ZNF385D: variants seen among roughly 807,000 people sequenced by gnomAD.
The protein encoded by ZNF385D is zinc finger protein 385D.
ZNF385D carries 15 observed loss-of-function variants against 35.8 expected under a neutral mutation model. The ratio of observed to expected loss-of-function variants is 0.42; its 90% CI spans 0.28 to 0.64. ZNF385D has a LOEUF of 0.64. Ranked by LOEUF, ZNF385D falls within the 30% of genes least tolerant of loss-of-function variation. The pLI, the probability that ZNF385D is intolerant of heterozygous loss-of-function variation, is 0.23. For synonymous variants in ZNF385D, 212 were observed against 186.8 expected, an observed-to-expected ratio of 1.13 and a Z score of -1.10; for missense variants, 474 against 494.6, an observed-to-expected ratio of 0.96 and a Z score of 0.39.
At chr3:21,720,356 C>T (rs1240874480) in intron 1 of ZNF385D, among the ~76,000 whole-genome samples, 1 of 152,146 alleles carries the variant, frequency 6.6e-6, no homozygotes, top group African/African-American at 2.4e-5. Context: ...AAGTTCTAAA[C>T]CAGCCTGGGC....
chr3:21,707,574 T>C (rs945987927), intron 1 of ZNF385D, among the ~76,000 whole-genome samples: 4 of 152,178 alleles, frequency 2.6e-5, no homozygotes, highest in Non-Finnish European at 4.4e-5. Context: ...TTTAAACCCA[T>C]AAATGCTCTA....
At chr3:21,978,332 T>C (rs1262545072) in intron 3 of ZNF385D, 2 of 152,244 alleles carry the variant, frequency 1.3e-5, no homozygotes, top group Non-Finnish European at 2.9e-5. Context: ...CTGTTACTGG[T>C]ATGATCTAAA....
At chr3:22,297,116 G>GA (rs1449759315) in intron 2 of ZNF385D, among the ~76,000 whole-genome samples, 3 of 152,008 alleles carry the variant, frequency 2.0e-5, no homozygotes, top group African/African-American at 4.8e-5. Context: ...CTCCTATCTT[G>GA]AAAAATATAA....
At chr3:21,822,164 T>A (rs1380644342) in intron 3 of ZNF385D, among the ~76,000 whole-genome samples, 1 of 151,966 alleles carries the variant, frequency 6.6e-6, no homozygotes, top group Non-Finnish European at 1.5e-5. Flanking sequence ...CTCTGCCTCC[T>A]GGATTCACGC....
chr3:22,371,741 C>T (rs369956003), intron 2 of ZNF385D, among the ~76,000 whole-genome samples: 7 of 152,228 alleles, frequency 4.6e-5, no homozygotes, highest in African/African-American at 1.7e-4. Context: ...TCAATGGAAG[C>T]GTAAAAAGAG....
At chr3:22,330,989 T>C (rs927440509) in intron 2 of ZNF385D, among the ~76,000 whole-genome samples, 1 of 152,204 alleles carries the variant, frequency 6.6e-6, no homozygotes, top group Admixed American at 6.5e-5. Flanking sequence ...TACACATGAA[T>C]TTTAACTCTT....
At chr3:21,793,123 A>G (rs113819016) in intron 3 of ZNF385D, among the ~76,000 whole-genome samples, 297 of 152,342 alleles carry the variant, frequency 1.9e-3, no homozygotes, top group African/African-American at 6.7e-3. Flanking sequence ...ATTATTATAT[A>G]GAATTCAATG....
intron 4 of ZNF385D, chr3:21,443,291 T>A (rs1701960737): frequency 4.1e-6 from 4 of 985,382 alleles, no homozygotes; most frequent in Non-Finnish European, 4.8e-6. Context: ...GAGGGGATTC[T>A]TTATTCTCCA....
intron 1 of ZNF385D, among the ~76,000 whole-genome samples, chr3:21,676,793 A>T (rs1559510147): frequency 2.0e-5 from 3 of 150,584 alleles, no homozygotes; most frequent in Non-Finnish European, 4.4e-5. Flanking sequence ...GCCCATATGT[A>T]TTTTTTTTTT....
rs572479563 is a variant in ZNF385D, at chr3:21,979,185, G to T, written c.325+189632C>A. ...TAGTCTGGGCTGGGTCCAAACATTTGTAAAAAGGAGGATATGGGGGACCAT... is the reference window on the plus strand; with the variant it reads ...TAGTCTGGGCTGGGTCCAAACATTTTTAAAAAGGAGGATATGGGGGACCAT... On this transcript the variant is annotated intron_variant, in intron 3 of 5. Transcript: ENST00000494108. 1.4e-4 allele frequency among the ~76,000 whole-genome samples: 22 copies of T among 152,082 alleles called. No homozygotes were observed. The South Asian group carries it at 4.6e-3, about 32-fold the overall frequency.
At chr3:21,528,829 T>C (rs760456072) in intron 3 of ZNF385D, among the ~76,000 whole-genome samples, 6 of 152,176 alleles carry the variant, frequency 3.9e-5, no homozygotes, top group Non-Finnish European at 7.4e-5. Flanking sequence ...AGAGAGTTCA[T>C]GAGCATATGG....
chr3:21,985,044 T>C (rs933261458), intron 3 of ZNF385D, among the ~76,000 whole-genome samples: 1 of 148,766 alleles, frequency 6.7e-6, no homozygotes, highest in African/African-American at 2.5e-5. Context: ...TGAAGTTGCT[T>C]ATCAGCTTAA....
At chr3:21,996,403 C>A (rs1278398966) in intron 3 of ZNF385D, among the ~76,000 whole-genome samples, 1 of 152,142 alleles carries the variant, frequency 6.6e-6, no homozygotes, top group Non-Finnish European at 1.5e-5. Flanking sequence ...TCAGAGGCTC[C>A]CTGTCACTCC....
At chr3:22,038,940 A>G (rs1197338652) in intron 3 of ZNF385D, among the ~76,000 whole-genome samples, 1 of 150,426 alleles carries the variant, frequency 6.6e-6, no homozygotes, top group African/African-American at 2.4e-5. Flanking sequence ...TATAATAAAT[A>G]TGATCAGGCA....
chr3:21,541,922 A>G (rs1477647720), intron 3 of ZNF385D, among the ~76,000 whole-genome samples: 5 of 152,218 alleles, frequency 3.3e-5, no homozygotes, highest in African/African-American at 1.2e-4. Flanking sequence ...AGATATGTAT[A>G]TCCAGCAATT....
At chr3:22,099,434 G>A (rs371179207) in intron 3 of ZNF385D, among the ~76,000 whole-genome samples, 21 of 152,090 alleles carry the variant, frequency 1.4e-4, no homozygotes, top group Admixed American at 4.6e-4. Context: ...TAGTGACAGC[G>A]GTCAATTGCA....
intron 3 of ZNF385D, among the ~76,000 whole-genome samples, chr3:22,004,029 C>G (rs1478415784): frequency 6.6e-6 from 1 of 151,702 alleles, no homozygotes; most frequent in Non-Finnish European, 1.5e-5. Context: ...TAAAACAGTA[C>G]AGTATGGTGT....
At chr3:21,814,453 G>C (rs779817747) in intron 3 of ZNF385D, among the ~76,000 whole-genome samples, 1 of 152,120 alleles carries the variant, frequency 6.6e-6, no homozygotes, top group Non-Finnish European at 1.5e-5. Context: ...CATGTGCAGA[G>C]ACACAGATAG....
intron 3 of ZNF385D, among the ~76,000 whole-genome samples, chr3:21,773,077 A>G (rs537771577): frequency 1.3e-5 from 2 of 151,926 alleles, no homozygotes; most frequent in Non-Finnish European, 2.9e-5. Flanking sequence ...ATCTTATTTA[A>G]TGGGGATTTT....
Sources: allele counts gnomAD v4.1 joint callset (sites outside exome capture counted in the v4.1 genomes callset), GRCh38; gene constraint gnomAD v4.1.1; transcripts MANE v1.5; gene names NCBI Gene and HGNC (gene_info 2026-07-23, HGNC 2026-07-21).